Variants in TENM2 observed in about 807,000 individuals in gnomAD.
The protein encoded by TENM2 is teneurin-2.
A neutral mutation model predicts 245.2 loss-of-function variants in TENM2; 52 were observed. The ratio of observed to expected loss-of-function variants is 0.21; its 90% CI spans 0.17 to 0.27. TENM2 has a LOEUF of 0.27. Ranked by LOEUF, TENM2 falls within the 10% of genes least tolerant of loss-of-function variation. TENM2 has a pLI of 1.00. For missense variants in TENM2, 3,046 were observed against 3,666.8 expected (o/e 0.83, Z 4.37); for synonymous variants, 1,363 against 1,438.9 (o/e 0.95, Z 1.19).
chr5:167,528,639 T>G (rs1223820798), intron 2 of TENM2, among the ~76,000 whole-genome samples: 1 of 152,140 alleles, frequency 6.6e-6, no homozygotes, highest in Admixed American at 6.6e-5. Flanking sequence ...ATTTTTTAAC[T>G]TTTTCAAATT....
intron 13 of TENM2, chr5:168,185,326 T>C (rs1020332097): frequency 6.6e-6 from 1 of 152,226 alleles, no homozygotes; most frequent in African/African-American, 2.4e-5. Flanking sequence ...TAGGTGGGTA[T>C]AGAGTGGGTG....
intron 1 of TENM2, among the ~76,000 whole-genome samples, chr5:167,358,803 G>GCACACA (rs58530155): frequency 1.7e-4 from 25 of 143,870 alleles, no homozygotes; most frequent in Middle Eastern, 3.2e-3. Flanking sequence ...ATTCTGATCT[G>GCACACA]CACACACACA....
chr5:167,410,418 G>A, intron 2 of TENM2, among the ~76,000 whole-genome samples: 1 of 151,904 alleles, frequency 6.6e-6, no homozygotes, highest in Non-Finnish European at 1.5e-5. Context: ...CCATTTTGTA[G>A]TATAGACATA....
At chr5:168,187,048 C>G (rs1280250905) in intron 13 of TENM2, 1 of 152,178 alleles carries the variant, frequency 6.6e-6, no homozygotes, top group African/African-American at 2.4e-5. Flanking sequence ...AACGTAGGCT[C>G]CTACTTAATA....
At chr5:167,911,594 A>G (rs980314345) in intron 3 of TENM2, among the ~76,000 whole-genome samples, 1 of 152,222 alleles carries the variant, frequency 6.6e-6, no homozygotes, top group Non-Finnish European at 1.5e-5. Flanking sequence ...TCTCTTGGGC[A>G]CCTACCCTAG....
the TENM2 span, among the ~76,000 whole-genome samples, chr5:167,205,972 C>T: frequency 6.6e-6 from 1 of 152,306 alleles, no homozygotes; most frequent in Non-Finnish European, 1.5e-5. Context: ...CTTTTAAGGG[C>T]TCATGTGATC....
rs751993854 is a variant in TENM2, at chr5:167,952,678, A to G, written c.803A>G (p.Asn268Ser). ...CTGTCCCATCACCACTCGTCCGCCA[A>G]CTCCCTCAACAGGAACTCACTGACC... Residue 268 changes from asparagine (N) to serine (S), a missense_variant, in exon 4 of 29, where the codon AAC (asparagine) becomes AGC (serine). This residue lies in a region of TENM2 where 2,704 missense variants were observed against 3,331.9 expected (regional missense o/e 0.81). Transcript: ENST00000518659. 5.7e-5 allele frequency: 92 copies of G among 1,612,160 alleles called. No individual in the cohort carries two copies. Among genetic ancestry groups the G allele is most frequent in the Non-Finnish European group, 7.5e-5 (89 of 1,179,542 alleles).
chr5:167,170,981 C>T, the TENM2 span, among the ~76,000 whole-genome samples: 1 of 152,158 alleles, frequency 6.6e-6, no homozygotes, highest in East Asian at 1.9e-4. Context: ...TCTCAGTATC[C>T]TTTGCTGGGG....
intron 5 of TENM2, among the ~76,000 whole-genome samples, chr5:168,004,853 A>G (rs1160626132): frequency 6.6e-6 from 1 of 152,062 alleles, no homozygotes; most frequent in African/African-American, 2.4e-5. Context: ...TCATATACAT[A>G]ATACAAAACA....
chr5:168,147,604 G>A (rs1756216178), intron 12 of TENM2, among the ~76,000 whole-genome samples: 1 of 152,210 alleles, frequency 6.6e-6, no homozygotes, highest in South Asian at 2.1e-4. Context: ...CTCCGGCAAT[G>A]TCAACTAAAG....
chr5:167,603,544 A>G (rs1776801414), intron 2 of TENM2, among the ~76,000 whole-genome samples: 1 of 152,114 alleles, frequency 6.6e-6, no homozygotes, highest in Admixed American at 6.6e-5. Context: ...AGCTGGGTGT[A>G]GTGGCATACA....
chr5:168,083,661 A>C (rs565931165), intron 7 of TENM2, among the ~76,000 whole-genome samples: 265 of 150,246 alleles, frequency 1.8e-3, no homozygotes, highest in Non-Finnish European at 3.3e-3. Context: ...TTAGTAAATC[A>C]GTAGCAAGTT....
chr5:167,635,945 A>T (rs1302427418), intron 2 of TENM2, among the ~76,000 whole-genome samples: 1 of 151,854 alleles, frequency 6.6e-6, no homozygotes, highest in Non-Finnish European at 1.5e-5. Context: ...CGCCCGGCCC[A>T]GTCTTTTCTT....
At chr5:167,998,007 A>G (rs1784178849) in intron 5 of TENM2, among the ~76,000 whole-genome samples, 1 of 152,234 alleles carries the variant, frequency 6.6e-6, no homozygotes, top group Admixed American at 6.5e-5. Context: ...TTCTGGCCCA[A>G]ACCAAAAAGT....
intron 2 of TENM2, among the ~76,000 whole-genome samples, chr5:167,694,126 G>C (rs1006263698): frequency 2.0e-5 from 3 of 152,266 alleles, no homozygotes; most frequent in Middle Eastern, 3.4e-3. Context: ...CATCTTGCTT[G>C]AGTTCCTCTA....
intron 1 of TENM2, among the ~76,000 whole-genome samples, chr5:167,289,786 A>C (rs1015397857): frequency 6.6e-6 from 1 of 152,212 alleles, no homozygotes; most frequent in African/African-American, 2.4e-5. Context: ...ATTAACTTAT[A>C]TAATAATTGT....
At chr5:167,454,705 G>A (rs1441439041) in intron 2 of TENM2, among the ~76,000 whole-genome samples, 1 of 152,054 alleles carries the variant, frequency 6.6e-6, no homozygotes, top group Non-Finnish European at 1.5e-5. Context: ...TTTTCTTCCA[G>A]GTTGACCTTT....
chr5:167,039,614 C>A, the TENM2 span, among the ~76,000 whole-genome samples: 11 of 150,570 alleles, frequency 7.3e-5, no homozygotes, highest in African/African-American at 9.7e-5. Context: ...TGTCAATTAA[C>A]AAAAAAAAAT....
At chr5:167,639,896 G>A (rs1779443358) in intron 2 of TENM2, among the ~76,000 whole-genome samples, 1 of 152,174 alleles carries the variant, frequency 6.6e-6, no homozygotes, top group South Asian at 2.1e-4. Flanking sequence ...GATAGCTGGA[G>A]CAGGAAGGAA....
Sources: allele counts gnomAD v4.1 joint callset (sites outside exome capture counted in the v4.1 genomes callset), GRCh38; gene constraint gnomAD v4.1.1; regional missense constraint gnomAD v4.1.1; transcripts MANE v1.5; gene names NCBI Gene and HGNC (gene_info 2026-07-23, HGNC 2026-07-21).